Variants in CCL22 observed in about 807,000 individuals in gnomAD.
CCL22 encodes the protein C-C motif chemokine ligand 22, also known as C-C motif chemokine 22.
CCL22 carries 7 observed loss-of-function variants against 7.6 expected under a neutral mutation model. The observed-to-expected ratio is 0.92, with a 90% CI of 0.52 to 1.72. The LOEUF (loss-of-function observed/expected upper bound fraction) is 1.72. CCL22 is among the 40% of genes most tolerant of loss of function. The pLI is 0.00. For missense variants in CCL22, 115 were observed against 124.7 expected, an observed-to-expected ratio of 0.92 and a Z score of 0.37; for synonymous variants, 55 against 47.2, an observed-to-expected ratio of 1.17 and a Z score of -0.68.
rs1296808307 is a variant in CCL22 at position 57,364,565 on chromosome 16, G to A, written c.*977G>A. 7 of 147,898 alleles carry A rather than the reference G, an allele frequency of 4.7e-5. No homozygotes were observed. Among genetic ancestry groups the A allele is most frequent in the Admixed American group, 3.5e-4 (5 of 14,376 alleles). The allele number at this position is 147,898 out of a possible 1,614,324, so 9.2% of individuals were successfully genotyped here. A position where few individuals can be genotyped will look rare whatever the true frequency, so the allele number is the denominator to read the frequency against. ...GTGGTCTTGGCTTATTGAAGCCTCT[G>A]CCTCCTGGGTTCAAGTGATTCTCTT... is the stretch of plus-strand genomic sequence containing the variant. On this transcript the variant is annotated 3_prime_UTR_variant, in exon 3 of 3. Coordinates refer to ENST00000219235, the MANE Select transcript of CCL22 (RefSeq NM_002990.5).
Position 57,358,840 on chromosome 16 carries a change from C to T in CCL22, c.24C>T (p.Leu8=), listed in dbSNP as rs374285646. The change falls in exon 1 of 3, where the codon CTC becomes CTT. Residue 8 remains leucine (L), a synonymous_variant. Coordinates refer to ENST00000219235, the MANE Select transcript of CCL22 (RefSeq NM_002990.5). MDRLQTA[L]LVVLVLLAVA... ...GCATGGATCGCCTACAGACTGCACT[C>T]CTGGTTGTCCTCGTCCTCCTTGCTG... 7 of 1,613,962 alleles carry T rather than the reference C, an allele frequency of 4.3e-6. No homozygotes were observed. The African/African-American group carries it at 6.7e-5, about 15-fold the overall frequency.
chr16:57,359,594 G>A (rs1348260771), intron 1 of CCL22, among the ~76,000 whole-genome samples: 2 of 146,924 alleles, frequency 1.4e-5, no homozygotes, highest in South Asian at 2.2e-4. Context: ...GGGATTACAG[G>A]CATGAGCCAC....
rs368622742 is a variant in CCL22, at chr16:57,363,538, G to A, written c.232G>A (p.Asp78Asn). ...LTFRDKEICADPRVPWVKMIL... is the reference protein window; with the variant it reads ...LTFRDKEICANPRVPWVKMIL... ...CTTCAGGGATAAGGAGATCTGTGCC[G>A]ATCCCAGAGTGCCCTGGGTGAAGAT... Residue 78 changes from aspartate to asparagine, a missense_variant, in exon 3 of 3, where the codon GAT becomes AAT. Coordinates refer to ENST00000219235, the MANE Select transcript of CCL22 (RefSeq NM_002990.5). 4.6e-5 allele frequency: 75 copies of A among 1,613,400 alleles called. No individual in the cohort carries two copies. Among genetic ancestry groups the A allele is most frequent in the South Asian group, 3.2e-4 (29 of 91,032 alleles).
chr16:57,363,283 C>T (rs1902068865), intron 2 of CCL22, among the ~76,000 whole-genome samples: 1 of 152,204 alleles, frequency 6.6e-6, no homozygotes, highest in South Asian at 2.1e-4. Context: ...GCGTGAACTC[C>T]TGGCCTCCTC....
chr16:57,361,296 T>A (rs578077845), intron 2 of CCL22, among the ~76,000 whole-genome samples: 6 of 149,196 alleles, frequency 4.0e-5, no homozygotes, highest in Non-Finnish European at 8.9e-5. Flanking sequence ...ACACCAGAAG[T>A]GTCTTGGATC....
intron 2 of CCL22, among the ~76,000 whole-genome samples, chr16:57,361,130 G>A (rs598366): frequency 0.35 from 52,692 of 151,720 alleles, 11,330 homozygotes; most frequent in East Asian, 0.49. Flanking sequence ...GTGATGGTGC[G>A]TGCCTGTGGT....
chr16:57,362,402 C>T (rs1321257812), intron 2 of CCL22, among the ~76,000 whole-genome samples: 1 of 152,138 alleles, frequency 6.6e-6, no homozygotes, highest in African/African-American at 2.4e-5. Flanking sequence ...GGGAGGATCA[C>T]TTGAGGCCAG....
In CCL22 at chr16:57,360,557, T is replaced by G; in HGVS notation, c.194T>G (p.Val65Gly). ...WTSDSCPRPGVVLLTFRDKEI... is the reference protein window; with the variant it reads ...WTSDSCPRPGGVLLTFRDKEI... ...TCAGACTCCTGCCCGAGGCCTGGCGTGGTGTGAGTAGGGAGCTGGGGCCAC... is the reference window on the plus strand; with the variant it reads ...TCAGACTCCTGCCCGAGGCCTGGCGGGGTGTGAGTAGGGAGCTGGGGCCAC... The change falls in exon 2 of 3, where the codon GTG (valine) becomes GGG (glycine). Residue 65 changes from valine to glycine, a missense_variant. By Grantham distance (109) the Val-to-Gly change is moderately radical (BLOSUM62 -3). Transcript: ENST00000219235. 6.2e-7 allele frequency: 1 copy of G among 1,613,920 alleles called. No homozygotes were observed. The highest frequency in any genetic ancestry group is 8.5e-7 in the Non-Finnish European group (1 of 1,179,948).
At chr16:57,361,390 G>A (rs1471800285) in intron 2 of CCL22, among the ~76,000 whole-genome samples, 2 of 151,874 alleles carry the variant, frequency 1.3e-5, no homozygotes, top group East Asian at 1.9e-4. Flanking sequence ...GGTGCCTCCC[G>A]AGTGCCAGGC....
At chr16:57,360,682 G>A in intron 2 of CCL22, 122 bp downstream of exon 2, 1 of 1,194,478 alleles carries the variant, frequency 8.4e-7, no homozygotes, top group Non-Finnish European at 1.2e-6. Context: ...GCTACCAGAT[G>A]CCTGCCAGGA....
At chr16:57,359,309 T>C (rs72784897) in intron 1 of CCL22, among the ~76,000 whole-genome samples, 9,982 of 151,628 alleles carry the variant, frequency 0.066, 428 homozygotes, top group East Asian at 0.23. Flanking sequence ...TTATTATTTT[T>C]TATTTTATTT....
At chr16:57,363,291 C>T (rs1902068917) in intron 2 of CCL22, among the ~76,000 whole-genome samples, 1 of 152,156 alleles carries the variant, frequency 6.6e-6, no homozygotes, top group African/African-American at 2.4e-5. Flanking sequence ...TCCTGGCCTC[C>T]TCTTCCTCCT....
intron 1 of CCL22, among the ~76,000 whole-genome samples, chr16:57,360,181 A>C (rs1286755799): frequency 6.6e-6 from 1 of 152,170 alleles, no homozygotes; most frequent in Non-Finnish European, 1.5e-5. Flanking sequence ...GCTACAGCTG[A>C]TGCTTAGTTG....
intron 1 of CCL22, 31 bp from the exon 2 acceptor site, chr16:57,360,406 C>T (rs1384054339): frequency 6.2e-7 from 1 of 1,613,508 alleles, no homozygotes; most frequent in Non-Finnish European, 8.5e-7. Flanking sequence ...TGGGCTCCAG[C>T]TTGTGAATTC....
At chr16:57,361,953 A>G (rs1225623113) in intron 2 of CCL22, among the ~76,000 whole-genome samples, 2 of 152,082 alleles carry the variant, frequency 1.3e-5, no homozygotes, top group Non-Finnish European at 2.9e-5. Context: ...AATAACCTAA[A>G]CTTATTTGAC....
intron 1 of CCL22, among the ~76,000 whole-genome samples, chr16:57,359,499 G>A (rs111265497): frequency 0.012 from 1,824 of 149,668 alleles, 31 homozygotes; most frequent in African/African-American, 0.043. Flanking sequence ...TATTTTTAGT[G>A]GAGACAGGGT....
chr16:57,361,155 A>G (rs1463268489), intron 2 of CCL22, among the ~76,000 whole-genome samples: 3 of 150,816 alleles, frequency 2.0e-5, no homozygotes, highest in African/African-American at 7.4e-5. Context: ...GCTACTTGGG[A>G]GGCTGAGGCA....
At chr16:57,361,747 C>A (rs1434119433) in intron 2 of CCL22, among the ~76,000 whole-genome samples, 1 of 152,144 alleles carries the variant, frequency 6.6e-6, no homozygotes, top group East Asian at 1.9e-4. Context: ...AATCTCACAC[C>A]TGGGGAGGCT....
At position 57,365,033 on chromosome 16, in the gene CCL22, C is replaced by T. The variant is rs1902093401; in HGVS notation, c.*1445C>T. On this transcript the variant is annotated 3_prime_UTR_variant, in exon 3 of 3. Transcript: ENST00000219235. ...GCCAGGCTGGTCTTGAACTCCTGAC[C>T]TCAAGTGATCCACCTTCCTTGTGCT... 6.6e-6 allele frequency: 1 copy of T among 152,204 alleles called. No individual in the cohort carries two copies. The allele number at this position is 152,204 out of a possible 1,614,324, so 9.4% of individuals were successfully genotyped here.
Sources: gnomAD v4.1 joint callset for allele counts (sites outside exome capture counted in the v4.1 genomes callset) on GRCh38, gnomAD v4.1.1 for gene constraint, MANE v1.5 for transcripts, NCBI Gene and HGNC (gene_info 2026-07-23, HGNC 2026-07-21) for gene names.